The following NCK1 variants were observed in gnomAD, a reference collection of about 807,000 sequenced individuals.
NCK1 encodes the protein SH2/SH3 adapter protein NCK1.
A neutral mutation model predicts 36.6 loss-of-function variants in NCK1; 19 were observed. The ratio of observed to expected loss-of-function variants is 0.52; its 90% CI spans 0.36 to 0.76. The LOEUF (loss-of-function observed/expected upper bound fraction) is 0.76, where lower values mean the gene tolerates loss of function less well. Ranked by LOEUF, NCK1 falls within the 30% of genes least tolerant of loss-of-function variation. The pLI, the probability that NCK1 is intolerant of heterozygous loss-of-function variation, is 0.00. For synonymous variants in NCK1, 165 were observed against 156.0 expected, an observed-to-expected ratio of 1.06 and a Z score of -0.43; for missense variants, 358 against 445.6, an observed-to-expected ratio of 0.80 and a Z score of 1.77.
At chr3:136,866,312 CT>C (rs35197703) in intron 1 of NCK1, among the ~76,000 whole-genome samples, 391 of 143,160 alleles carry the variant, frequency 2.7e-3, no homozygotes, top group African/African-American at 4.7e-3. Flanking sequence ...TTCTTTCTTT[CT>C]TTTTTTTTTT....
intron 1 of NCK1, among the ~76,000 whole-genome samples, chr3:136,893,721 C>T (rs1939318232): frequency 1.3e-5 from 2 of 152,278 alleles, no homozygotes; most frequent in South Asian, 2.1e-4. Flanking sequence ...TTGGCTTAAA[C>T]CCTACATTGA....
At chr3:136,925,794 G>GT (rs1363215434) in intron 1 of NCK1, among the ~76,000 whole-genome samples, 1 of 152,160 alleles carries the variant, frequency 6.6e-6, no homozygotes, top group Non-Finnish European at 1.5e-5. Flanking sequence ...TAAAGTTGCT[G>GT]TTAACATTCA....
chr3:136,884,670 C>T (rs1268527104), intron 1 of NCK1, among the ~76,000 whole-genome samples: 10 of 149,884 alleles, frequency 6.7e-5, no homozygotes, highest in African/African-American at 2.0e-4. Context: ...TGAGGTGATC[C>T]TTCTGCCTTG....
rs556930294 is a variant in NCK1, at chr3:136,949,385, G to A, written c.*932G>A. 6.8e-6 allele frequency: 1 copy of A among 146,062 alleles called. No individual in the cohort carries two copies. Among genetic ancestry groups the A allele is most frequent in the Non-Finnish European group, 1.5e-5 (1 of 66,374 alleles). The allele number at this position is 146,062 out of a possible 1,614,324, so 9.0% of individuals were successfully genotyped here. A position where few individuals can be genotyped will look rare whatever the true frequency, so the allele number is the denominator to read the frequency against. ...TAAATATCAGTAATTGTCAGGAATG[G>A]TATTACCTATTTTCATTTCCTCTTT... On this transcript the variant is annotated 3_prime_UTR_variant, in exon 4 of 4. Transcript: ENST00000481752.
chr3:136,870,772 C>G (rs1344465919), intron 1 of NCK1, among the ~76,000 whole-genome samples: 2 of 147,642 alleles, frequency 1.4e-5, no homozygotes, highest in African/African-American at 5.0e-5. Flanking sequence ...GCTTTTGTCT[C>G]TTTCCTCTTT....
chr3:136,901,745 G>T (rs1939547143), intron 1 of NCK1, among the ~76,000 whole-genome samples: 1 of 152,020 alleles, frequency 6.6e-6, no homozygotes, highest in Non-Finnish European at 1.5e-5. Flanking sequence ...TTCATTTTCT[G>T]ATTTTACTTG....
At chr3:136,921,669 G>C (rs1354754034) in intron 1 of NCK1, among the ~76,000 whole-genome samples, 1 of 152,230 alleles carries the variant, frequency 6.6e-6, no homozygotes, top group Non-Finnish European at 1.5e-5. Flanking sequence ...AACTATTGCA[G>C]TAGGGAAGAG....
At chr3:136,936,858 A>G (rs549090583) in intron 2 of NCK1, among the ~76,000 whole-genome samples, 3 of 152,312 alleles carry the variant, frequency 2.0e-5, no homozygotes, top group South Asian at 2.1e-4. Context: ...AGTTGTTTAT[A>G]TGTTCTGGAT....
chr3:136,918,597 G>A (rs559426649), intron 1 of NCK1, among the ~76,000 whole-genome samples: 3 of 152,282 alleles, frequency 2.0e-5, no homozygotes, highest in South Asian at 4.2e-4. Flanking sequence ...TGTGGCCTGC[G>A]GGCTGCATGC....
At chr3:136,875,925 T>C (rs1938753356) in intron 1 of NCK1, among the ~76,000 whole-genome samples, 1 of 151,850 alleles carries the variant, frequency 6.6e-6, no homozygotes, top group South Asian at 2.1e-4. Flanking sequence ...TCAGCAAATA[T>C]AAAAGAACAG....
intron 1 of NCK1, among the ~76,000 whole-genome samples, chr3:136,883,225 T>A (rs1006294851): frequency 1.3e-5 from 2 of 152,206 alleles, no homozygotes; most frequent in African/African-American, 4.8e-5. Flanking sequence ...CCAGCCTACT[T>A]CTTATTACAT....
chr3:136,906,730 G>A (rs1007122294), intron 1 of NCK1, among the ~76,000 whole-genome samples: 2 of 152,146 alleles, frequency 1.3e-5, no homozygotes, highest in Non-Finnish European at 2.9e-5. Flanking sequence ...TGGCTGTGAT[G>A]GACTGGACAG....
At chr3:136,897,788 A>G (rs1939428508) in intron 1 of NCK1, among the ~76,000 whole-genome samples, 1 of 152,180 alleles carries the variant, frequency 6.6e-6, no homozygotes, top group South Asian at 2.1e-4. Flanking sequence ...TAAGTATTAT[A>G]CATTTTTAAT....
At chr3:136,916,135 G>C (rs1939958653) in intron 1 of NCK1, among the ~76,000 whole-genome samples, 2 of 152,106 alleles carry the variant, frequency 1.3e-5, no homozygotes, top group Admixed American at 6.5e-5. Context: ...TCACCTCGCA[G>C]TCACCTCCAG....
At chr3:136,865,149 G>C (rs1199293482) in intron 1 of NCK1, among the ~76,000 whole-genome samples, 1 of 151,884 alleles carries the variant, frequency 6.6e-6, no homozygotes, top group Admixed American at 6.6e-5. Context: ...GTAGAGGCAG[G>C]GTTTCACCAT....
intron 1 of NCK1, among the ~76,000 whole-genome samples, chr3:136,913,658 G>C (rs1939885236): frequency 6.6e-6 from 1 of 151,768 alleles, no homozygotes; most frequent in Non-Finnish European, 1.5e-5. Context: ...CTTTTGTTTT[G>C]TTTTTTGTTT....
intron 2 of NCK1, among the ~76,000 whole-genome samples, chr3:136,932,326 T>C (rs1360626836): frequency 6.6e-6 from 1 of 152,154 alleles, no homozygotes. Context: ...TTATTTATTT[T>C]GCCAGGCAGT....
intron 1 of NCK1, among the ~76,000 whole-genome samples, chr3:136,927,663 G>A (rs992861457): frequency 3.3e-5 from 5 of 151,856 alleles, no homozygotes; most frequent in Non-Finnish European, 5.9e-5. Context: ...CTGGGACTAC[G>A]GGTGTGCACC....
chr3:136,900,274 T>G (rs1256339389), intron 1 of NCK1, among the ~76,000 whole-genome samples: 1 of 152,228 alleles, frequency 6.6e-6, no homozygotes, highest in Non-Finnish European at 1.5e-5. Flanking sequence ...TATTTCTGAA[T>G]TATCTGTTTT....
Sources: allele counts gnomAD v4.1 joint callset (sites outside exome capture counted in the v4.1 genomes callset), GRCh38; gene constraint gnomAD v4.1.1; transcripts MANE v1.5; gene names NCBI Gene and HGNC (gene_info 2026-07-23, HGNC 2026-07-21).